The following DCAF6 variants were observed in gnomAD, a reference collection of about 807,000 sequenced individuals.
The protein encoded by DCAF6 is DDB1- and CUL4-associated factor 6.
In DCAF6, 54 loss-of-function variants were observed where a neutral mutation model predicts 125.1. The ratio of observed to expected loss-of-function variants is 0.43; its 90% CI spans 0.35 to 0.54. The LOEUF (loss-of-function observed/expected upper bound fraction) is 0.54. DCAF6 is among the 20% of genes least tolerant of loss of function. DCAF6 has a pLI of 0.01. For missense variants in DCAF6, 934 were observed against 1,161.7 expected (o/e 0.80, Z 2.85); for synonymous variants, 371 against 390.4 (o/e 0.95, Z 0.58).
At chr1:168,022,761 A>G (rs1048360647) in intron 11 of DCAF6, among the ~76,000 whole-genome samples, 2 of 152,238 alleles carry the variant, frequency 1.3e-5, no homozygotes, top group East Asian at 3.8e-4. Context: ...ATGCATGGAA[A>G]TAGAAGAATA....
At chr1:167,936,387 C>T (rs1671216341), upstream of DCAF6, 1 of 176,832 alleles carries the variant, frequency 5.7e-6, no homozygotes, top group African/African-American at 2.4e-5. Flanking sequence ...AATTCTCTTG[C>T]TTCTTTTCAC....
chr1:168,046,529 T>TG (rs1165914268), intron 16 of DCAF6, among the ~76,000 whole-genome samples: 1 of 152,144 alleles, frequency 6.6e-6, no homozygotes, highest in Non-Finnish European at 1.5e-5. Context: ...TTTTTGTAGA[T>TG]ATGAAGCAAG....
At chr1:167,880,175 C>T in the DCAF6 span, 34 of 1,613,160 alleles carry the variant, frequency 2.1e-5, no homozygotes, top group African/African-American at 8.0e-5. Context: ...CCACTGGCAA[C>T]ACCGATGGAT....
At chr1:167,913,268 G>A in the DCAF6 span, among the ~76,000 whole-genome samples, 1 of 152,182 alleles carries the variant, frequency 6.6e-6, no homozygotes, top group Non-Finnish European at 1.5e-5. Context: ...AGAAAACTCA[G>A]TAGTACCCAA....
chr1:168,019,813 AC>A (rs1685458993), intron 11 of DCAF6: 1 of 180,296 alleles, frequency 5.5e-6, no homozygotes, highest in African/African-American at 2.3e-5. Context: ...ATCAGCACTT[AC>A]CCGATCCTGT....
chr1:167,897,905 G>A, the DCAF6 span, among the ~76,000 whole-genome samples: 3,246 of 3,246 alleles, frequency 1, 1,623 homozygotes, highest in Non-Finnish European at 1. Flanking sequence ...CTGAGGCAGG[G>A]GAATGGCGTA....
At chr1:167,904,839 T>C in the DCAF6 span, 25 of 963,544 alleles carry the variant, frequency 2.6e-5, no homozygotes, top group Non-Finnish European at 3.9e-5. Flanking sequence ...CCACAAGCTA[T>C]TTCCTCCCTC....
chr1:167,951,069 A>G lies in DCAF6; in HGVS notation c.98-731A>G, dbSNP rs1413687237. Among the ~76,000 whole-genome samples, 3 of 152,204 alleles carry G rather than the reference A, an allele frequency of 2.0e-5. No homozygotes were observed. In the East Asian group the frequency reaches 5.8e-4, roughly 29 times the overall value. On this transcript the variant is annotated intron_variant, in intron 1 of 21. Transcript: ENST00000367840. ...TCTTTTTCCTGCTTTATTTTTCTGC[A>G]TAGCACTATACTAACTTATAGCACT...
At position 168,075,573 on chromosome 1, in the gene DCAF6, A is replaced by G. The variant is rs1309797580; in HGVS notation, c.*138A>G. On this transcript the variant is annotated 3_prime_UTR_variant, in exon 22 of 22. Transcript: ENST00000367840. ...TTCCCTTTTTTTGGGATAACCTAAC[A>G]TTGGTTTGGAATGATTGTGTGCATG... 3 of 682,790 alleles carry G rather than the reference A, an allele frequency of 4.4e-6. No individual in the cohort carries two copies. The highest frequency in any genetic ancestry group is 7.1e-6 in the Non-Finnish European group (3 of 423,262). The allele number at this position is 682,790 out of a possible 1,614,324, so 42.3% of individuals were successfully genotyped here. A position where few individuals can be genotyped will look rare whatever the true frequency, so the allele number is the denominator to read the frequency against.
upstream of DCAF6, chr1:167,935,923 C>G (rs1671148623): frequency 2.8e-6 from 3 of 1,080,252 alleles, no homozygotes; most frequent in Admixed American, 6.2e-5. Flanking sequence ...GAGCTAGTCA[C>G]TTTTCCTGCC....
intron 16 of DCAF6, among the ~76,000 whole-genome samples, chr1:168,047,576 C>T (rs552682290): frequency 2.0e-5 from 3 of 151,910 alleles, no homozygotes; most frequent in Non-Finnish European, 4.4e-5. Context: ...TGAAGAGTAA[C>T]AGAAGAACGA....
the DCAF6 span, among the ~76,000 whole-genome samples, chr1:167,892,305 TTC>T: frequency 3.9e-5 from 6 of 152,186 alleles, no homozygotes; most frequent in Non-Finnish European, 8.8e-5. Context: ...AATAAAAAAC[TTC>T]TGTCAGACTA....
chr1:167,912,893 A>G, the DCAF6 span, among the ~76,000 whole-genome samples: 1 of 152,226 alleles, frequency 6.6e-6, no homozygotes, highest in African/African-American at 2.4e-5. Context: ...GCACAGAGGT[A>G]TTAACTTGCT....
the DCAF6 span, among the ~76,000 whole-genome samples, chr1:167,912,411 C>T: frequency 3.3e-5 from 5 of 152,214 alleles, no homozygotes; most frequent in Non-Finnish European, 5.9e-5. Context: ...ACATGGCCAC[C>T]TCCACATACT....
intron 17 of DCAF6, chr1:168,055,775 CAGT>C: frequency 1.6e-6 from 1 of 643,194 alleles, no homozygotes; most frequent in South Asian, 1.6e-5. Context: ...GCAGTGTTAA[CAGT>C]AGTTTTTTTT....
chr1:167,956,574 A>G (rs967706761), intron 2 of DCAF6, among the ~76,000 whole-genome samples: 1 of 151,772 alleles, frequency 6.6e-6, no homozygotes, highest in Non-Finnish European at 1.5e-5. Flanking sequence ...CTGCTAATAT[A>G]TTTATTATTT....
intron 14 of DCAF6, 30 bp from the exon 15 acceptor site, chr1:168,044,555 A>C (rs750553471): frequency 1.3e-6 from 2 of 1,530,286 alleles, no homozygotes; most frequent in Non-Finnish European, 9.0e-7. Flanking sequence ...ATGGATACCA[A>C]GGGATGACTG....
intron 3 of DCAF6, among the ~76,000 whole-genome samples, chr1:167,968,807 A>G (rs553760439): frequency 6.6e-6 from 1 of 152,356 alleles, no homozygotes; most frequent in Admixed American, 6.5e-5. Context: ...CCAACTGGCA[A>G]AGGAAAAATA....
chr1:167,943,796 T>TA (rs2102649724), intron 1 of DCAF6, among the ~76,000 whole-genome samples: 1 of 152,336 alleles, frequency 6.6e-6, no homozygotes, highest in East Asian at 1.9e-4. Context: ...TAACCTAAGA[T>TA]AATGACCTCT....
Sources: gnomAD v4.1 joint callset for allele counts (sites outside exome capture counted in the v4.1 genomes callset) on GRCh38, gnomAD v4.1.1 for gene constraint, MANE v1.5 for transcripts, NCBI Gene and HGNC (gene_info 2026-07-23, HGNC 2026-07-21) for gene names.